ADAMTS13: variants seen among roughly 807,000 people sequenced by gnomAD.
The protein encoded by ADAMTS13 is A disintegrin and metalloproteinase with thrombospondin motifs 13.
In ADAMTS13, 110 loss-of-function variants were observed where a neutral mutation model predicts 155.1. The ratio of observed to expected loss-of-function variants is 0.71; its 90% confidence interval spans 0.61 to 0.83. The LOEUF (loss-of-function observed/expected upper bound fraction) is 0.83, where lower values mean the gene tolerates loss of function less well. Among genes scored for constraint, ADAMTS13 ranks in the 40% least tolerant of loss-of-function variants. The pLI is 0.00. For missense variants in ADAMTS13, 1,707 were observed against 1,891.7 expected (o/e 0.90, Z 1.81); for synonymous variants, 758 against 756.4 (o/e 1.00, Z -0.03).
Position 133,443,420 on chromosome 9 carries a change from G to T in ADAMTS13, c.2279G>T (p.Gly760Val). The change falls in exon 19 of 29, where the codon GGT becomes GTT. Residue 760 changes from glycine to valine, a missense_variant. Gly to Val is a moderately radical substitution (Grantham distance 109). Transcript: ENST00000355699. ...DFGPCSASCG[G>V]GLRERPVRCV... ...GGCCCATGCAGCGCCTCCTGTGGGG[G>T]TGGCCTGCGGGAGCGGCCAGTGCGC... is the stretch of plus-strand genomic sequence containing the variant. The T allele has an allele frequency of 5.6e-6, 9 of 1,598,652 alleles. No homozygotes were observed. Among genetic ancestry groups the T allele is most frequent in the Non-Finnish European group, 7.6e-6 (9 of 1,177,452 alleles).
At position 133,443,513 on chromosome 9, in the gene ADAMTS13, A is replaced by G; in HGVS notation, c.2372A>G (p.Gln791Arg). ...GCCCGGTGCAGAGCAGGGGCCCAGC[A>G]GCCAGCTGTGGCGCTGGAAACCTGC... is the stretch of plus-strand genomic sequence containing the variant. ...PPARCRAGAQ[Q>R]PAVALETCNP... The change falls in exon 19 of 29, where the codon CAG becomes CGG. Residue 791 changes from glutamine to arginine, a missense_variant. Gln to Arg is a conservative substitution (Grantham distance 43). This residue lies in a region of ADAMTS13 where 961 missense variants were observed against 1,107.9 expected (regional missense o/e 0.87). Coordinates refer to ENST00000355699, the MANE Select transcript of ADAMTS13 (RefSeq NM_139027.6). The G allele has an allele frequency of 6.3e-7, 1 of 1,580,772 alleles. No individual in the cohort carries two copies. Among genetic ancestry groups the G allele is most frequent in the South Asian group, 1.1e-5 (1 of 87,194 alleles).
chr9:133,437,999 T>G, intron 13 of ADAMTS13, 102 bp downstream of exon 13: 1 of 1,576,344 alleles, frequency 6.3e-7, no homozygotes, highest in Non-Finnish European at 8.7e-7. Flanking sequence ...GGAGCTGCAG[T>G]GCCCTCTGCA....
intron 21 of ADAMTS13, among the ~76,000 whole-genome samples, chr9:133,447,190 G>A (rs587702005): frequency 2.7e-4 from 41 of 152,044 alleles, no homozygotes; most frequent in African/African-American, 9.9e-4. Flanking sequence ...CCATCCTAAT[G>A]GGCTTGAGAA....
intron 8 of ADAMTS13, 108 bp from the exon 9 acceptor site, chr9:133,432,480 G>T: frequency 2.0e-6 from 2 of 979,634 alleles, no homozygotes; most frequent in East Asian, 2.6e-5. Flanking sequence ...GCAGAGTGTT[G>T]GCTGTGTCAG....
Position 133,456,274 on chromosome 9 carries a change from C to A in ADAMTS13, c.3547+59C>A. The A allele has an allele frequency of 5.6e-6, 9 of 1,610,236 alleles. No homozygotes were observed. Among genetic ancestry groups the A allele is most frequent in the Non-Finnish European group, 7.6e-6 (9 of 1,178,944 alleles). On this transcript the variant is annotated intron_variant, in intron 26 of 28. Coordinates refer to ENST00000355699, the MANE Select transcript of ADAMTS13 (RefSeq NM_139027.6). This position sits in a 1 kb window ranked among gnomAD's most constrained non-coding sequence, Gnocchi z 4.4. Reference sequence around the variant, plus strand: ...TTATGGGCCCTGCCAGGAGCCAGCACGACGCTGCATGCCCCATTCCTGGCA... The same window carrying A: ...TTATGGGCCCTGCCAGGAGCCAGCAAGACGCTGCATGCCCCATTCCTGGCA...
rs782442144 is a variant in ADAMTS13 at position 133,426,282 on chromosome 9, G to C, written c.623G>C (p.Cys208Ser). 6.2e-7 allele frequency: 1 copy of C among 1,610,398 alleles called. No individual in the cohort carries two copies. Among genetic ancestry groups the C allele is most frequent in the East Asian group, 2.2e-5 (1 of 44,882 alleles). ...LGGACSPTWSCLITEDTGFDL... is the reference protein window; with the variant it reads ...LGGACSPTWSSLITEDTGFDL... The stretch of plus-strand genomic sequence containing the variant: ...GGTGCCTGCTCCCCAACCTGGAGCT[G>C]CCTCATTACCGAGGACACTGGCTTC... The change falls in exon 6 of 29, where the codon TGC (cysteine) becomes TCC (serine). Residue 208 changes from cysteine to serine, a missense_variant. Transcript: ENST00000355699.
At chr9:133,454,294 G>T (rs1303261785) in intron 23 of ADAMTS13, 121 bp from the exon 24 acceptor site, 18 of 1,219,618 alleles carry the variant, frequency 1.5e-5, no homozygotes, top group Non-Finnish European at 1.8e-5. Flanking sequence ...TTTCCATCTT[G>T]CCTGGCCACG....
rs782300973 is a variant in ADAMTS13 at position 133,422,450 on chromosome 9, C to A, written c.7C>A (p.Gln3Lys). 1 of 1,613,702 alleles carries A rather than the reference C, an allele frequency of 6.2e-7. No individual in the cohort carries two copies. The highest frequency in any genetic ancestry group is 1.1e-5 in the South Asian group (1 of 91,078). ...CGGGCTGGCTCTCCTGAGGATGCACCAGCGTCACCCCCGGGCAAGATGCCC... is the reference window on the plus strand; with the variant it reads ...CGGGCTGGCTCTCCTGAGGATGCACAAGCGTCACCCCCGGGCAAGATGCCC... MHQRHPRARCPPL... is the reference protein window; with the variant it reads MHKRHPRARCPPL... The change falls in exon 1 of 29, where the codon CAG becomes AAG. Residue 3 changes from glutamine (Q) to lysine (K), a missense_variant. Gln to Lys is a moderately conservative substitution (Grantham distance 53). Transcript: ENST00000355699.
rs782322007 is a variant in ADAMTS13, at chr9:133,444,881, C to T, written c.2439C>T (p.Pro813=). 2 of 1,613,120 alleles carry T rather than the reference C, an allele frequency of 1.2e-6. No individual in the cohort carries two copies. The highest frequency in any genetic ancestry group is 2.2e-5 in the East Asian group (1 of 44,884). The change falls in exon 20 of 29, where the codon CCC becomes CCT. Residue 813 remains proline, a synonymous_variant. Coordinates refer to ENST00000355699, the MANE Select transcript of ADAMTS13 (RefSeq NM_139027.6). ...TCCTCAGGTGGGAGGTGTCAGAGCC[C>T]AGCTCATGCACATCAGCTGGTGGAG... ...PCPARWEVSE[P]SSCTSAGGAG...
In ADAMTS13 at chr9:133,428,788, G is replaced by T; in HGVS notation, c.824+17G>T. On this transcript the variant is annotated intron_variant, in intron 7 of 28. Coordinates refer to ENST00000355699, the MANE Select transcript of ADAMTS13 (RefSeq NM_139027.6). ...CCTGCTCAGGTAGCGGCCGCCCCGTGGGAGGGGCGCGCGAGCCTCCAGCCA... is the reference window on the plus strand; with the variant it reads ...CCTGCTCAGGTAGCGGCCGCCCCGTTGGAGGGGCGCGCGAGCCTCCAGCCA... 7.7e-7 allele frequency: 1 copy of T among 1,299,958 alleles called. No homozygotes were observed. The highest frequency in any genetic ancestry group is 2.1e-5 in the South Asian group (1 of 46,668). The allele number at this position is 1,299,958 out of a possible 1,614,324, so 80.5% of individuals were successfully genotyped here.
Position 133,422,491 on chromosome 9 carries a change from C to T in ADAMTS13, c.48C>T (p.Ala16=), listed in dbSNP as rs782274726. ...PRARCPPLCV[A]GILACGFLLG... is the part of the protein sequence containing the mutation. ...CAAGATGCCCTCCCCTCTGTGTGGC[C>T]GGAATCCTTGCCTGTGGCTTTCTCC... Residue 16 remains alanine (A), a synonymous_variant, in exon 1 of 29, where the codon GCC becomes GCT. Transcript: ENST00000355699. 14 of 1,614,108 alleles carry T rather than the reference C, an allele frequency of 8.7e-6. No individual in the cohort carries two copies. The highest frequency in any genetic ancestry group is 2.2e-5 in the East Asian group (1 of 44,868).
At position 133,440,795 on chromosome 9, in the gene ADAMTS13, G is replaced by C. The variant is rs1841614365; in HGVS notation, c.1968+270G>C. On this transcript the variant is annotated intron_variant, in intron 16 of 28. Transcript: ENST00000355699. This position sits in a 1 kb window ranked among gnomAD's most constrained non-coding sequence, Gnocchi z 4.3. ...TTCTGGGATCAGGTAAGGTTGGAGGGCCCAATGCAGGGGTCCAGGGCTCCC... is the reference window on the plus strand; with the variant it reads ...TTCTGGGATCAGGTAAGGTTGGAGGCCCCAATGCAGGGGTCCAGGGCTCCC... 6.6e-6 allele frequency among the ~76,000 whole-genome samples: 1 copy of C among 152,132 alleles called. No individual in the cohort carries two copies.
chr9:133,445,576 G>A lies in ADAMTS13; in HGVS notation c.2611-123G>A, dbSNP rs782669411. On this transcript the variant is annotated intron_variant, in intron 20 of 28. Transcript: ENST00000355699. The surrounding 1 kb of genome is among the most constrained non-coding windows in gnomAD (Gnocchi z 5.0). ...CGATCTCGCCAAGGGAGGAGGGGAG[G>A]GAGCCCCTGGTGCACACACGCCACT... The A allele has an allele frequency of 1.2e-4, 179 of 1,484,568 alleles. No individual in the cohort carries two copies. The highest frequency in any genetic ancestry group is 1.6e-4 in the Non-Finnish European group (176 of 1,076,708). The allele number at this position is 1,484,568 out of a possible 1,614,324, so 92.0% of individuals were successfully genotyped here. A position where few individuals can be genotyped will look rare whatever the true frequency, so the allele number is the denominator to read the frequency against.
chr9:133,454,015 TTCCCTTGCCCAAGGGAAGGGAAC>T (rs1408936034), intron 23 of ADAMTS13, among the ~76,000 whole-genome samples: 2 of 152,116 alleles, frequency 1.3e-5, no homozygotes, highest in African/African-American at 2.4e-5. Context: ...ATGGGCAGCC[TTCCCTTGCCCAAGGGAAGGGAAC>T]TCGGCCTTCC....
chr9:133,445,936 T>C lies in ADAMTS13; in HGVS notation c.2731+117T>C. On this transcript the variant is annotated intron_variant, in intron 21 of 28. Transcript: ENST00000355699. This position sits in a 1 kb window ranked among gnomAD's most constrained non-coding sequence, Gnocchi z 5.0. ...TGGATTGCAGAAAATCCAGACTATA[T>C]GGGAACACGTGGTAATACACAAGGA... 5.8e-6 allele frequency: 8 copies of C among 1,378,936 alleles called. 1 individual carries two copies. The South Asian group carries it at 8.8e-5, about 15-fold the overall frequency. The allele number at this position is 1,378,936 out of a possible 1,614,324, so 85.4% of individuals were successfully genotyped here. A position where few individuals can be genotyped will look rare whatever the true frequency, so the allele number is the denominator to read the frequency against.
At chr9:133,457,106 A>G (rs781849547) in intron 27 of ADAMTS13, 13 of 352,338 alleles carry the variant, frequency 3.7e-5, no homozygotes, top group Non-Finnish European at 5.0e-5. Flanking sequence ...GTAAGCAGAC[A>G]TGCTTGTACA....
Position 133,424,707 on chromosome 9 carries a change from C to T in ADAMTS13, c.330+229C>T, listed in dbSNP as rs1840166379. On this transcript the variant is annotated intron_variant, in intron 3 of 28. Coordinates refer to ENST00000355699, the MANE Select transcript of ADAMTS13 (RefSeq NM_139027.6). The surrounding 1 kb of genome is among the most constrained non-coding windows in gnomAD (Gnocchi z 4.3). Reference sequence around the variant, plus strand: ...CTGCAGCCTCTCACTACTCAAGTCCCTTCACCTGGGGCCACCCTCAAGCCT... The same window carrying T: ...CTGCAGCCTCTCACTACTCAAGTCCTTTCACCTGGGGCCACCCTCAAGCCT... Among the ~76,000 whole-genome samples, 1 of 152,140 alleles carries T rather than the reference C, an allele frequency of 6.6e-6. No individual in the cohort carries two copies. Among genetic ancestry groups the T allele is most frequent in the Admixed American group, 6.5e-5 (1 of 15,284 alleles).
Position 133,425,400 on chromosome 9 carries a change from G to A in ADAMTS13, c.331-129G>A, listed in dbSNP as rs587697250. ...ATTTTAGGAGCCCCCCGCCCCGCCC[G>A]GTTCCCACACATGCTGGTGGAGTAG... On this transcript the variant is annotated intron_variant, in intron 3 of 28. Transcript: ENST00000355699. The surrounding 1 kb of genome is among the most constrained non-coding windows in gnomAD (Gnocchi z 4.6). The A allele has an allele frequency of 4.0e-6, 3 of 742,564 alleles. No homozygotes were observed. Among genetic ancestry groups the A allele is most frequent in the East Asian group, 2.7e-5 (1 of 37,092 alleles). 46.0% of individuals were successfully genotyped at this position (742,564 alleles called of 1,614,324 possible).
intron 22 of ADAMTS13, 103 bp downstream of exon 22, chr9:133,448,831 C>G: frequency 3.3e-6 from 5 of 1,506,144 alleles, no homozygotes; most frequent in Non-Finnish European, 4.5e-6. Flanking sequence ...GCAGGTGCTG[C>G]TGGCTGTGCA....
Sources: gnomAD v4.1 joint callset for allele counts (sites outside exome capture counted in the v4.1 genomes callset) on GRCh38, gnomAD v4.1.1 for gene constraint, gnomAD v4.1.1 regional missense constraint, Gnocchi (gnomAD v3.1) non-coding constraint, MANE v1.5 for transcripts, NCBI Gene and HGNC (gene_info 2026-07-23, HGNC 2026-07-21) for gene names.